MAMDC2: variants seen among roughly 807,000 people sequenced by gnomAD.
The protein encoded by MAMDC2 is MAM domain containing 2.
Under a neutral mutation model 89.8 loss-of-function variants are expected in MAMDC2, and 57 were observed. That is an observed-to-expected ratio of 0.63 (90% CI 0.51 to 0.79). The LOEUF (loss-of-function observed/expected upper bound fraction) is 0.79, where lower values mean the gene tolerates loss of function less well. MAMDC2 is among the 30% of genes least tolerant of loss of function. MAMDC2 has a pLI of 0.00. For synonymous variants in MAMDC2, 313 were observed against 293.4 expected (o/e 1.07, Z -0.68); for missense variants, 800 against 820.6 (o/e 0.97, Z 0.31).
At chr9:70,200,742 T>G (rs1211923488) in intron 11 of MAMDC2, among the ~76,000 whole-genome samples, 1 of 149,368 alleles carries the variant, frequency 6.7e-6, no homozygotes, top group African/African-American at 2.5e-5. Context: ...CAGTGGTTTG[T>G]AGTTCTCCTT....
chr9:70,210,470 G>C (rs1331962081), intron 11 of MAMDC2, among the ~76,000 whole-genome samples: 3 of 152,022 alleles, frequency 2.0e-5, no homozygotes, highest in Non-Finnish European at 4.4e-5. Flanking sequence ...CCTTTTTCTT[G>C]TTTTCCATTT....
intron 2 of MAMDC2, among the ~76,000 whole-genome samples, chr9:70,059,333 A>AC (rs1827095209): frequency 6.6e-6 from 1 of 152,162 alleles, no homozygotes; most frequent in Non-Finnish European, 1.5e-5. Context: ...TGACGAAGGT[A>AC]CCCCTTACAA....
chr9:70,204,897 C>A (rs573893964), intron 11 of MAMDC2, among the ~76,000 whole-genome samples: 2 of 152,210 alleles, frequency 1.3e-5, no homozygotes, highest in African/African-American at 2.4e-5. Context: ...TGAGGCAATG[C>A]CCCGCCCTGC....
chr9:70,156,567 A>G (rs2031771328), intron 9 of MAMDC2, among the ~76,000 whole-genome samples: 2 of 152,234 alleles, frequency 1.3e-5, no homozygotes, highest in Admixed American at 1.3e-4. Flanking sequence ...AGCTGAGAGC[A>G]AAGTAGAAAT....
intron 12 of MAMDC2, among the ~76,000 whole-genome samples, chr9:70,223,174 A>G (rs1587586319): frequency 6.7e-6 from 1 of 149,738 alleles, no homozygotes; most frequent in Middle Eastern, 3.5e-3. Context: ...CAGGTCTCCA[A>G]ATTTTCTTGT....
In MAMDC2 at chr9:70,079,825, G is replaced by A. The variant is rs544381689; in HGVS notation, c.149-28386G>A. 9.2e-5 allele frequency among the ~76,000 whole-genome samples: 14 copies of A among 152,192 alleles called. No individual in the cohort carries two copies. The South Asian group carries it at 2.9e-3, about 32-fold the overall frequency. On this transcript the variant is annotated intron_variant, in intron 2 of 13. Transcript: ENST00000377182. Reference sequence around the variant, plus strand: ...GAAGTTGTTTGACAGGTGTGCCTTCGGCCTGTCCCCAACATAAGCAAAACA... The same window carrying A: ...GAAGTTGTTTGACAGGTGTGCCTTCAGCCTGTCCCCAACATAAGCAAAACA...
chr9:70,070,863 C>A (rs1827388709), intron 2 of MAMDC2, among the ~76,000 whole-genome samples: 1 of 152,138 alleles, frequency 6.6e-6, no homozygotes. Context: ...TTCCTCCCTC[C>A]TTTTTAAGGT....
chr9:70,098,468 C>T (rs535811510), intron 2 of MAMDC2, among the ~76,000 whole-genome samples: 2 of 152,184 alleles, frequency 1.3e-5, no homozygotes, highest in African/African-American at 4.8e-5. Context: ...AATTGTAAGA[C>T]ATGCCCTAAT....
rs138087833 is a variant in MAMDC2, at chr9:70,176,653, C to A, written c.1651+6022C>A. Among the ~76,000 whole-genome samples, 676 of 152,246 alleles carry A rather than the reference C, an allele frequency of 4.4e-3. 7 individuals are homozygous for A. Among genetic ancestry groups the A allele is most frequent in the African/African-American group, 0.016 (646 of 41,550 alleles). ...CTTCAATATAGATTTTCAAAAATTTCTCAAGACACCTTCCACTTTTCTAAC... is the reference window on the plus strand; with the variant it reads ...CTTCAATATAGATTTTCAAAAATTTATCAAGACACCTTCCACTTTTCTAAC... On this transcript the variant is annotated intron_variant, in intron 11 of 13. Coordinates refer to ENST00000377182, the MANE Select transcript of MAMDC2 (RefSeq NM_153267.5).
intron 9 of MAMDC2, chr9:70,147,944 A>G (rs1052987668): frequency 1.1e-4 from 17 of 150,474 alleles, no homozygotes; most frequent in African/African-American, 4.2e-4. Context: ...TGGTCTTTAA[A>G]TTGAATCTGA....
At chr9:70,054,543 AC>A (rs1204280009) in intron 2 of MAMDC2, among the ~76,000 whole-genome samples, 8 of 152,204 alleles carry the variant, frequency 5.3e-5, no homozygotes, top group Admixed American at 5.2e-4. Flanking sequence ...AAGGGGTTCA[AC>A]CATACCTACA....
At position 70,108,440 on chromosome 9, in the gene MAMDC2, C is replaced by T. The variant is rs1329093513; in HGVS notation, c.378C>T (p.Leu126=). Reference sequence around the variant, plus strand: ...CTAAGGAACCTTCAGACAGCTGGCTCATAGCCAGCTTGGATTTGCAAAACA... The same window carrying T: ...CTAAGGAACCTTCAGACAGCTGGCTTATAGCCAGCTTGGATTTGCAAAACA... ...WSAKEPSDSW[L]IASLDLQNSS... is the part of the protein sequence containing the mutation. Residue 126 remains leucine (L), a synonymous_variant, in exon 3 of 14, where the codon CTC becomes CTT. Transcript: ENST00000377182. 5.0e-6 allele frequency: 8 copies of T among 1,608,708 alleles called. No homozygotes were observed. Among genetic ancestry groups the T allele is most frequent in the African/African-American group, 1.3e-5 (1 of 74,468 alleles).
At chr9:70,224,101 ACT>A (rs2033609239) in intron 12 of MAMDC2, among the ~76,000 whole-genome samples, 1 of 152,104 alleles carries the variant, frequency 6.6e-6, no homozygotes, top group Non-Finnish European at 1.5e-5. Flanking sequence ...TATTATGTGC[ACT>A]CAGGTGTCCT....
At chr9:70,150,361 T>G (rs2031544890) in intron 9 of MAMDC2, among the ~76,000 whole-genome samples, 1 of 152,240 alleles carries the variant, frequency 6.6e-6, no homozygotes, top group African/African-American at 2.4e-5. Context: ...GTATTGACTT[T>G]ACTTCCAAAC....
chr9:70,087,906 C>T lies in MAMDC2; in HGVS notation c.149-20305C>T, dbSNP rs577576798. ...TAGGTCCCCAAACTGCTCTCTATTA[C>T]GAACTTTTAAATTTTATTATTTCTC... On this transcript the variant is annotated intron_variant, in intron 2 of 13. Transcript: ENST00000377182. Among the ~76,000 whole-genome samples, 133 of 152,184 alleles carry T rather than the reference C, an allele frequency of 8.7e-4. 1 individual carries two copies. The highest frequency in any genetic ancestry group is 3.0e-3 in the African/African-American group (123 of 41,542).
Position 70,220,794 on chromosome 9 carries a change from T to C in MAMDC2, c.1911+2198T>C, listed in dbSNP as rs550950097. Among the ~76,000 whole-genome samples, 18 of 152,332 alleles carry C rather than the reference T, an allele frequency of 1.2e-4. No individual in the cohort carries two copies. In the South Asian group the frequency reaches 3.7e-3, roughly 32 times the overall value. On this transcript the variant is annotated intron_variant, in intron 12 of 13. Transcript: ENST00000377182. Reference sequence around the variant, plus strand: ...TGAAGGTCACAAGCACTGCATGATTTTGGAGATACCTTTTACACTCTGAGA... The same window carrying C: ...TGAAGGTCACAAGCACTGCATGATTCTGGAGATACCTTTTACACTCTGAGA...
At chr9:70,101,749 C>T (rs1481460764) in intron 2 of MAMDC2, among the ~76,000 whole-genome samples, 2 of 152,182 alleles carry the variant, frequency 1.3e-5, no homozygotes, top group Admixed American at 6.5e-5. Flanking sequence ...GACAAAATCA[C>T]CCAATGATGA....
At chr9:70,149,504 A>G (rs747842354) in intron 9 of MAMDC2, among the ~76,000 whole-genome samples, 1 of 152,154 alleles carries the variant, frequency 6.6e-6, no homozygotes, top group Non-Finnish European at 1.5e-5. Flanking sequence ...TTGTCTTTAT[A>G]GTCCCATATT....
intron 2 of MAMDC2, among the ~76,000 whole-genome samples, chr9:70,101,237 C>T (rs1031288332): frequency 5.3e-5 from 8 of 151,984 alleles, no homozygotes; most frequent in East Asian, 3.9e-4. Flanking sequence ...TATACAGTAC[C>T]GTACAGTGTG....
Sources: gnomAD v4.1 joint callset for allele counts (sites outside exome capture counted in the v4.1 genomes callset) on GRCh38, gnomAD v4.1.1 for gene constraint, MANE v1.5 for transcripts, NCBI Gene and HGNC (gene_info 2026-07-23, HGNC 2026-07-21) for gene names.